Variants in DOK6 observed in about 807,000 individuals in gnomAD.
The protein encoded by DOK6 is docking protein 6, also known as downstream of tyrosine kinase 6.
In DOK6, 22 loss-of-function variants were observed where a neutral mutation model predicts 44.0. That is an observed-to-expected ratio of 0.50 (90% CI 0.36 to 0.71). The LOEUF is 0.71. Among genes scored for constraint, DOK6 ranks in the 30% least tolerant of loss-of-function variants. DOK6 has a pLI of 0.00. For missense variants in DOK6, 340 were observed against 416.4 expected (o/e 0.82, Z 1.60); for synonymous variants, 166 against 145.5 (o/e 1.14, Z -1.01).
chr18:69,756,102 T>A (rs565724800), intron 6 of DOK6, among the ~76,000 whole-genome samples: 4 of 152,338 alleles, frequency 2.6e-5, no homozygotes, highest in Admixed American at 1.3e-4. Flanking sequence ...GGACAGAATA[T>A]TTTTTACGTG....
intron 2 of DOK6, among the ~76,000 whole-genome samples, chr18:69,584,035 G>A (rs1351971228): frequency 1.3e-5 from 2 of 148,738 alleles, no homozygotes; most frequent in African/African-American, 2.5e-5. Flanking sequence ...GTGAACCCGG[G>A]AGGCGGAGCT....
intron 3 of DOK6, 76 bp from the exon 4 acceptor site, chr18:69,677,658 A>G: frequency 1.2e-6 from 2 of 1,602,328 alleles, no homozygotes; most frequent in Non-Finnish European, 1.7e-6. Context: ...TACCTGGGAA[A>G]ACAGTTAAGG....
In DOK6 at chr18:69,847,960, A is replaced by G. The variant is rs941253651; in HGVS notation, c.*6577A>G. The G allele has an allele frequency of 1.3e-5, 2 of 151,738 alleles. No individual in the cohort carries two copies. The highest frequency in any genetic ancestry group is 4.9e-5 in the African/African-American group (2 of 41,226). The allele number at this position is 151,738 out of a possible 1,614,324, so 9.4% of individuals were successfully genotyped here. ...AAAGCCAGTTCCATCTTTACTGCAG[A>G]TGACAGGAGACTTTCCAAGACCTGC... is the stretch of plus-strand genomic sequence containing the variant. On this transcript the variant is annotated 3_prime_UTR_variant, in exon 8 of 8. Coordinates refer to ENST00000382713, the MANE Select transcript of DOK6 (RefSeq NM_152721.6).
intron 1 of DOK6, among the ~76,000 whole-genome samples, chr18:69,500,980 G>A (rs1474650463): frequency 1.3e-5 from 2 of 150,646 alleles, no homozygotes; most frequent in African/African-American, 4.9e-5. Context: ...GTGTGTTAGA[G>A]TATGTTAATG....
chr18:69,700,220 T>TATATAC (rs1277111323), intron 5 of DOK6, among the ~76,000 whole-genome samples: 2 of 105,968 alleles, frequency 1.9e-5, no homozygotes. Context: ...TATATACATA[T>TATATAC]ATATATATAT....
At chr18:69,809,186 G>C (rs1981141404) in intron 7 of DOK6, among the ~76,000 whole-genome samples, 2 of 151,638 alleles carry the variant, frequency 1.3e-5, no homozygotes, top group Admixed American at 6.6e-5. Context: ...CACATTAACA[G>C]AACGAAGGAC....
At chr18:69,570,062 G>A (rs1016570552) in intron 2 of DOK6, among the ~76,000 whole-genome samples, 1 of 151,476 alleles carries the variant, frequency 6.6e-6, no homozygotes, top group Admixed American at 6.6e-5. Context: ...TGGATGGAAG[G>A]AGGTTTCAGG....
At chr18:69,527,443 C>T (rs964348341) in intron 1 of DOK6, among the ~76,000 whole-genome samples, 14 of 152,162 alleles carry the variant, frequency 9.2e-5, no homozygotes, top group African/African-American at 3.4e-4. Context: ...GGAAAAGCCT[C>T]TTCTAAAACC....
At position 69,551,715 on chromosome 18, in the gene DOK6, T is replaced by C. The variant is rs79182476; in HGVS notation, c.67-12772T>C. Among the ~76,000 whole-genome samples, 402 of 152,330 alleles carry C rather than the reference T, an allele frequency of 2.6e-3. 2 individuals carry two copies. The highest frequency in any genetic ancestry group is 9.2e-3 in the African/African-American group (381 of 41,582). ...TAAAGAAAATCACTGTTATTTTTCA[T>C]CTTATTCCAGTGGCTTTTAGGAAAT... On this transcript the variant is annotated intron_variant, in intron 1 of 7. Coordinates refer to ENST00000382713, the MANE Select transcript of DOK6 (RefSeq NM_152721.6).
chr18:69,563,657 G>A (rs1020467061), intron 1 of DOK6, among the ~76,000 whole-genome samples: 3 of 130,258 alleles, frequency 2.3e-5, no homozygotes, highest in Non-Finnish European at 4.8e-5. Context: ...GTTGCGGGGT[G>A]GGGGGAGGGG....
At chr18:69,543,143 A>G (rs1460777765) in intron 1 of DOK6, among the ~76,000 whole-genome samples, 1 of 151,162 alleles carries the variant, frequency 6.6e-6, no homozygotes, top group Non-Finnish European at 1.5e-5. Flanking sequence ...TAAGTTGTAA[A>G]CCCTTTTTCT....
intron 1 of DOK6, among the ~76,000 whole-genome samples, chr18:69,435,029 A>AGGAAGGAAGGAAGGAC (rs1978928639): frequency 2.3e-5 from 1 of 44,068 alleles, no homozygotes; most frequent in Non-Finnish European, 5.2e-5. Flanking sequence ...GAGGGAGGGA[A>AGGAAGGAAGGAAGGAC]GGAAGGAAGG....
intron 5 of DOK6, among the ~76,000 whole-genome samples, chr18:69,725,290 C>T (rs1016746681): frequency 2.0e-5 from 3 of 152,042 alleles, no homozygotes; most frequent in African/African-American, 4.8e-5. Context: ...TTGCATGCAA[C>T]GAGGGATGGA....
chr18:69,582,539 ATCTT>A (rs772724047), intron 2 of DOK6, among the ~76,000 whole-genome samples: 5 of 151,728 alleles, frequency 3.3e-5, no homozygotes, highest in Non-Finnish European at 7.4e-5. Flanking sequence ...CCTTCCTTCC[ATCTT>A]TCTTTCTTTC....
intron 4 of DOK6, among the ~76,000 whole-genome samples, chr18:69,692,134 C>G (rs1304069788): frequency 1.3e-5 from 2 of 152,136 alleles, no homozygotes. Flanking sequence ...GGTGATGGAA[C>G]AAGCAGGAAA....
At chr18:69,777,577 T>C (rs1980112966) in intron 7 of DOK6, among the ~76,000 whole-genome samples, 2 of 152,030 alleles carry the variant, frequency 1.3e-5, no homozygotes, top group South Asian at 4.1e-4. Flanking sequence ...CTCAGTTCTA[T>C]TAATACACAT....
At chr18:69,667,972 G>C (rs992488590) in intron 3 of DOK6, among the ~76,000 whole-genome samples, 1 of 152,088 alleles carries the variant, frequency 6.6e-6, no homozygotes, top group African/African-American at 2.4e-5. Context: ...AAGAATCTGA[G>C]AATTATTTCT....
intron 1 of DOK6, among the ~76,000 whole-genome samples, chr18:69,401,719 A>G (rs1453623453): frequency 6.6e-6 from 1 of 152,064 alleles, no homozygotes; most frequent in East Asian, 1.9e-4. Flanking sequence ...GTTTAGAATC[A>G]CCATTTTCTG....
At position 69,846,641 on chromosome 18, in the gene DOK6, A is replaced by G. The variant is rs1369208432; in HGVS notation, c.*5258A>G. 1 of 152,232 alleles carries G rather than the reference A, an allele frequency of 6.6e-6. No homozygotes were observed. Among genetic ancestry groups the G allele is most frequent in the East Asian group, 1.9e-4 (1 of 5,200 alleles). 9.4% of individuals were successfully genotyped at this position (152,232 alleles called of 1,614,324 possible). On this transcript the variant is annotated 3_prime_UTR_variant, in exon 8 of 8. Transcript: ENST00000382713. The stretch of plus-strand genomic sequence containing the variant: ...AATCTTATCCTAAAGTGGTAGTCAA[A>G]GTAAAACACATTAAGTAGGTGTTTG...
Sources: gnomAD v4.1 joint callset for allele counts (sites outside exome capture counted in the v4.1 genomes callset) on GRCh38, gnomAD v4.1.1 for gene constraint, MANE v1.5 for transcripts, NCBI Gene and HGNC (gene_info 2026-07-23, HGNC 2026-07-21) for gene names.